ESR1: variants seen among roughly 807,000 people sequenced by gnomAD.
The protein encoded by ESR1 is estrogen receptor 1.
A neutral mutation model predicts 52.7 loss-of-function variants in ESR1; 12 were observed. The observed-to-expected ratio is 0.23, with a 90% CI of 0.15 to 0.37. ESR1 has a LOEUF of 0.37. Ranked by LOEUF, ESR1 falls within the 10% of genes least tolerant of loss-of-function variation. The pLI, the probability that ESR1 is intolerant of heterozygous loss-of-function variation, is 1.00. For synonymous variants in ESR1, 305 were observed against 316.8 expected, an observed-to-expected ratio of 0.96 and a Z score of 0.39; for missense variants, 584 against 779.7, an observed-to-expected ratio of 0.75 and a Z score of 2.99.
intron 1 of ESR1, among the ~76,000 whole-genome samples, chr6:151,825,317 A>C (rs1781297611): frequency 1.3e-5 from 2 of 152,168 alleles, no homozygotes; most frequent in East Asian, 3.9e-4. Flanking sequence ...GGGGCTCTCC[A>C]ATACGTGGTT....
intron 6 of ESR1, among the ~76,000 whole-genome samples, chr6:152,114,089 C>G (rs1468116370): frequency 1.3e-5 from 2 of 152,118 alleles, no homozygotes; most frequent in African/African-American, 4.8e-5. Context: ...GGAACTGAGC[C>G]CCGTGCCCAA....
At chr6:151,757,653 A>G (rs1051824450) in intron 2 of ESR1, among the ~76,000 whole-genome samples, 3 of 152,206 alleles carry the variant, frequency 2.0e-5, no homozygotes, top group Admixed American at 6.5e-5. Flanking sequence ...TCACCCAAAC[A>G]TTGAAGTTCT....
At chr6:151,959,527 A>G (rs1584481360) in intron 4 of ESR1, among the ~76,000 whole-genome samples, 1 of 152,160 alleles carries the variant, frequency 6.6e-6, no homozygotes, top group East Asian at 1.9e-4. Context: ...TCCCCGTGCC[A>G]ACGCTGTGCA....
intron 4 of ESR1, among the ~76,000 whole-genome samples, chr6:151,979,766 ATC>A (rs1001547948): frequency 6.6e-6 from 1 of 152,090 alleles, no homozygotes; most frequent in Non-Finnish European, 1.5e-5. Context: ...TTTTAAATTA[ATC>A]TCTTTTTCTT....
chr6:151,955,340 A>G (rs2128571284), intron 4 of ESR1, among the ~76,000 whole-genome samples: 2 of 152,364 alleles, frequency 1.3e-5, no homozygotes, highest in South Asian at 2.1e-4. Flanking sequence ...GAATGTACTT[A>G]CTACCATTAA....
intron 4 of ESR1, among the ~76,000 whole-genome samples, chr6:151,991,589 A>G (rs553245938): frequency 9.2e-5 from 14 of 152,264 alleles, no homozygotes; most frequent in African/African-American, 3.1e-4. Context: ...TACCTTAGGA[A>G]GAGAAAATTT....
At chr6:151,929,557 T>C (rs1384350151) in intron 3 of ESR1, among the ~76,000 whole-genome samples, 18 of 152,162 alleles carry the variant, frequency 1.2e-4, no homozygotes, top group Admixed American at 1.2e-3. Flanking sequence ...CAAACCACCA[T>C]GGCACATGTA....
At chr6:151,693,701 T>C (rs1260925049) in intron 1 of ESR1, among the ~76,000 whole-genome samples, 2 of 152,178 alleles carry the variant, frequency 1.3e-5, no homozygotes, top group Non-Finnish European at 2.9e-5. Flanking sequence ...CACTGCAACC[T>C]CCGCCTCCCA....
intron 2 of ESR1, among the ~76,000 whole-genome samples, chr6:151,858,736 T>G (rs571365030): frequency 1.0e-3 from 158 of 152,272 alleles, no homozygotes; most frequent in Admixed American, 2.0e-3. Context: ...GACTCCTCTT[T>G]TGCTTAGAAC....
chr6:151,898,991 C>G (rs1796026147), intron 3 of ESR1, among the ~76,000 whole-genome samples: 1 of 151,526 alleles, frequency 6.6e-6, no homozygotes, highest in Non-Finnish European at 1.5e-5. Context: ...CAGAGGCGCC[C>G]CTCACCTCCC....
At chr6:151,986,005 CT>C (rs2040451690) in intron 4 of ESR1, among the ~76,000 whole-genome samples, 1 of 152,112 alleles carries the variant, frequency 6.6e-6, no homozygotes, top group South Asian at 2.1e-4. Flanking sequence ...TATATGCCTG[CT>C]TCAGGCATTA....
chr6:152,011,837 G>C (rs1388515261), intron 5 of ESR1, 43 bp downstream of exon 5: 3 of 1,603,280 alleles, frequency 1.9e-6, no homozygotes, highest in Non-Finnish European at 2.6e-6. Context: ...TGTTCTTTAC[G>C]ATCATAGTTC....
chr6:151,956,835 T>C (rs9479149), intron 4 of ESR1, among the ~76,000 whole-genome samples: 69,269 of 129,048 alleles, frequency 0.54, 19,418 homozygotes, highest in Middle Eastern at 0.69. Flanking sequence ...TATATATAAA[T>C]ATAAATAAAT....
At chr6:151,824,736 A>G (rs934193367) in intron 1 of ESR1, among the ~76,000 whole-genome samples, 18 of 152,164 alleles carry the variant, frequency 1.2e-4, no homozygotes, top group Admixed American at 1.3e-4. Context: ...CCTGGCTAAC[A>G]TGATGAAACC....
chr6:151,887,411 A>G (rs1223413175), intron 3 of ESR1, among the ~76,000 whole-genome samples: 2 of 152,116 alleles, frequency 1.3e-5, no homozygotes, highest in Non-Finnish European at 2.9e-5. Context: ...TACTGAATCA[A>G]GTAAGTGAAT....
At chr6:151,814,766 A>T (rs1235954816) in intron 1 of ESR1, among the ~76,000 whole-genome samples, 2 of 152,234 alleles carry the variant, frequency 1.3e-5, no homozygotes, top group Non-Finnish European at 2.9e-5. Context: ...GGCTTAGACT[A>T]TATAAAGTGT....
chr6:151,712,325 CT>C (rs777074509), intron 2 of ESR1, among the ~76,000 whole-genome samples: 4 of 151,800 alleles, frequency 2.6e-5, no homozygotes, highest in Non-Finnish European at 4.4e-5. Context: ...GCTATACGGG[CT>C]TTTTTTTGGT....
At chr6:151,865,093 AT>A (rs1251480623) in intron 2 of ESR1, among the ~76,000 whole-genome samples, 1 of 152,170 alleles carries the variant, frequency 6.6e-6, no homozygotes, top group Non-Finnish European at 1.5e-5. Flanking sequence ...ATAATAAAAA[AT>A]ATTTAAAAAA....
intron 2 of ESR1, among the ~76,000 whole-genome samples, chr6:151,859,092 G>A (rs369815317): frequency 1.3e-5 from 2 of 152,134 alleles, no homozygotes; most frequent in East Asian, 1.9e-4. Context: ...CAGAAAAACA[G>A]GACTTCATGT....
Sources: gnomAD v4.1 joint callset for allele counts (sites outside exome capture counted in the v4.1 genomes callset) on GRCh38, gnomAD v4.1.1 for gene constraint, MANE v1.5 for transcripts, NCBI Gene and HGNC (gene_info 2026-07-23, HGNC 2026-07-21) for gene names.